Variants in DAAM1 observed in about 807,000 individuals in gnomAD.
DAAM1 encodes the protein disheveled-associated activator of morphogenesis 1.
In DAAM1, 52 loss-of-function variants were observed where a neutral mutation model predicts 130.0. That is an observed-to-expected ratio of 0.40 (90% confidence interval 0.32 to 0.50). The LOEUF (loss-of-function observed/expected upper bound fraction) is 0.50. Among genes scored for constraint, DAAM1 ranks in the 20% least tolerant of loss-of-function variants. DAAM1 has a pLI of 0.61. For synonymous variants in DAAM1, 452 were observed against 444.5 expected (o/e 1.02, Z -0.21); for missense variants, 1,134 against 1,303.8 (o/e 0.87, Z 2.01).
Position 59,289,853 on chromosome 14 carries a change from G to A in DAAM1, c.184-1364G>A, listed in dbSNP as rs1425991721. ...TGCAGCAACACATATGCCGCTGGAG[G>A]CCAGCATCCTTAGTGAACCAGCCCA... On this transcript the variant is annotated intron_variant, in intron 2 of 24. Coordinates refer to ENST00000360909, the MANE Select transcript of DAAM1 (RefSeq NM_001270520.2). Among the ~76,000 whole-genome samples the A allele has an allele frequency of 4.7e-5, 7 of 150,180 alleles. No individual in the cohort carries two copies. In the South Asian group the frequency reaches 1.0e-3, roughly 22 times the overall value.
At position 59,279,717 on chromosome 14, in the gene DAAM1, A is replaced by G. The variant is rs149803060; in HGVS notation, c.184-11500A>G. On this transcript the variant is annotated intron_variant, in intron 2 of 24. Coordinates refer to ENST00000360909, the MANE Select transcript of DAAM1 (RefSeq NM_001270520.2). ...TAGAGAAGATTTACAATCATTAACT[A>G]TATTTTAAAAATTGATAAATTAGAC... Among the ~76,000 whole-genome samples, 23 of 152,300 alleles carry G rather than the reference A, an allele frequency of 1.5e-4. 1 individual carries two copies. In the East Asian group the frequency reaches 4.4e-3, roughly 29 times the overall value.
intron 23 of DAAM1, among the ~76,000 whole-genome samples, chr14:59,364,482 C>T (rs921527021): frequency 6.6e-6 from 1 of 152,162 alleles, no homozygotes; most frequent in Admixed American, 6.5e-5. Flanking sequence ...GTTGTTTCCT[C>T]TTCCAAAATG....
At chr14:59,195,884 CT>C (rs34193768) in intron 1 of DAAM1, among the ~76,000 whole-genome samples, 32,302 of 146,742 alleles carry the variant, frequency 0.22, 3,955 homozygotes, top group African/African-American at 0.33. Context: ...TTTTCTGTAT[CT>C]TTTTTTTTTT....
intron 1 of DAAM1, among the ~76,000 whole-genome samples, chr14:59,244,809 C>A (rs1021938521): frequency 6.6e-6 from 1 of 152,178 alleles, no homozygotes; most frequent in Non-Finnish European, 1.5e-5. Flanking sequence ...CAGTTGTTAA[C>A]AGCATGTTTT....
intron 2 of DAAM1, among the ~76,000 whole-genome samples, chr14:59,267,955 T>G (rs1221568796): frequency 7.0e-6 from 1 of 143,146 alleles, no homozygotes; most frequent in Non-Finnish European, 1.5e-5. Context: ...CAGGCTGGAG[T>G]GCAGTGGTGC....
chr14:59,342,441 T>G (rs1885887874), intron 16 of DAAM1, among the ~76,000 whole-genome samples: 1 of 152,234 alleles, frequency 6.6e-6, no homozygotes, highest in Admixed American at 6.5e-5. Context: ...AATTATAATT[T>G]GTATTTTATT....
At chr14:59,204,606 G>A (rs1257688079) in intron 1 of DAAM1, among the ~76,000 whole-genome samples, 1 of 152,224 alleles carries the variant, frequency 6.6e-6, no homozygotes, top group East Asian at 1.9e-4. Context: ...CACATTTAAA[G>A]TGGGGAAGGG....
chr14:59,276,598 C>G (rs1018535865), intron 2 of DAAM1, among the ~76,000 whole-genome samples: 3 of 152,150 alleles, frequency 2.0e-5, no homozygotes, highest in Admixed American at 6.5e-5. Context: ...GTGGGAAACC[C>G]TTTCTGGGTG....
chr14:59,324,355 G>A lies in DAAM1; in HGVS notation c.890G>A (p.Ser297Asn). The A allele has an allele frequency of 6.3e-7, 1 of 1,576,412 alleles. No homozygotes were observed. The highest frequency in any genetic ancestry group is 1.7e-4 in the Middle Eastern group (1 of 5,948). The change falls in exon 8 of 25, where the codon AGT (serine) becomes AAT (asparagine). Residue 297 changes from serine (S) to asparagine (N), a missense_variant. Physicochemically the swap from Ser to Asn is conservative, Grantham distance 46. Around this residue, in one of 3 missense-constraint regions of DAAM1, gnomAD observed 391 missense variants for 521.6 expected, o/e 0.75. Coordinates refer to ENST00000360909, the MANE Select transcript of DAAM1 (RefSeq NM_001270520.2). ...TTATTGCCATTTTACTTTCAGGAGA[G>A]TTTGGACTTTAGACTTCATCTTCGC... ...AVLSQGAGVESLDFRLHLRYE... is the reference protein window; with the variant it reads ...AVLSQGAGVENLDFRLHLRYE...
At chr14:59,318,942 G>A (rs1354271975) in intron 4 of DAAM1, among the ~76,000 whole-genome samples, 1 of 152,204 alleles carries the variant, frequency 6.6e-6, no homozygotes, top group Non-Finnish European at 1.5e-5. Flanking sequence ...AAAATGTGTA[G>A]TCATTAATTT....
intron 21 of DAAM1, 135 bp downstream of exon 21, chr14:59,359,639 T>A: frequency 1.6e-6 from 1 of 631,984 alleles, no homozygotes; most frequent in Non-Finnish European, 2.8e-6. Context: ...AGTTTGAATC[T>A]CATCCAAGTC....
intron 1 of DAAM1, among the ~76,000 whole-genome samples, chr14:59,248,155 G>T (rs1203570322): frequency 6.6e-6 from 1 of 152,160 alleles, no homozygotes; most frequent in Non-Finnish European, 1.5e-5. Context: ...TGCAAGAGAG[G>T]CAGTCTCTTT....
intron 1 of DAAM1, among the ~76,000 whole-genome samples, chr14:59,249,086 C>T (rs745597542): frequency 2.6e-5 from 4 of 152,212 alleles, no homozygotes; most frequent in Non-Finnish European, 5.9e-5. Context: ...CGCGCCTGGC[C>T]CATCCCTCAG....
At chr14:59,335,804 C>G (rs1426980160) in intron 15 of DAAM1, among the ~76,000 whole-genome samples, 2 of 152,122 alleles carry the variant, frequency 1.3e-5, no homozygotes, top group Non-Finnish European at 2.9e-5. Context: ...ATGTAATACA[C>G]AAGACATTTT....
At chr14:59,345,749 A>C (rs1400697257) in intron 16 of DAAM1, among the ~76,000 whole-genome samples, 1 of 152,138 alleles carries the variant, frequency 6.6e-6, no homozygotes, top group East Asian at 1.9e-4. Flanking sequence ...TTGTGTCTTG[A>C]GGATTTCAGC....
chr14:59,292,287 C>T (rs902610122), intron 3 of DAAM1, among the ~76,000 whole-genome samples: 4 of 152,142 alleles, frequency 2.6e-5, no homozygotes, highest in Non-Finnish European at 5.9e-5. Context: ...TACAATAATC[C>T]AATATTTTTT....
intron 1 of DAAM1, among the ~76,000 whole-genome samples, chr14:59,232,118 G>T (rs577974548): frequency 6.6e-6 from 1 of 152,126 alleles, no homozygotes; most frequent in East Asian, 1.9e-4. Flanking sequence ...CTGCTTAAAG[G>T]TTGGCACTTC....
intron 1 of DAAM1, among the ~76,000 whole-genome samples, chr14:59,250,550 A>G (rs183846488): frequency 6.6e-6 from 1 of 152,334 alleles, no homozygotes; most frequent in African/African-American, 2.4e-5. Context: ...TTAGAGTTTT[A>G]ATGGGGTTAT....
rs561365464 is a variant in DAAM1, at chr14:59,360,034, T to C, written c.2633+530T>C. On this transcript the variant is annotated intron_variant, in intron 21 of 24. Coordinates refer to ENST00000360909, the MANE Select transcript of DAAM1 (RefSeq NM_001270520.2). ...CTCTTTTGGCTCTTTTTTTAAAACA[T>C]AAACTGCATCTTTTTGCAGTGAATT... Among the ~76,000 whole-genome samples, 6 of 152,350 alleles carry C rather than the reference T, an allele frequency of 3.9e-5. No individual in the cohort carries two copies. In the South Asian group the frequency reaches 1.2e-3, roughly 32 times the overall value.
Sources: gnomAD v4.1 joint callset for allele counts (sites outside exome capture counted in the v4.1 genomes callset) on GRCh38, gnomAD v4.1.1 for gene constraint, gnomAD v4.1.1 regional missense constraint, MANE v1.5 for transcripts, NCBI Gene and HGNC (gene_info 2026-07-23, HGNC 2026-07-21) for gene names.